Variants in PIK3R6 observed in about 807,000 individuals in gnomAD.
PIK3R6 encodes the protein phosphoinositide-3-kinase regulatory subunit 6.
In PIK3R6, 91 loss-of-function variants were observed where a neutral mutation model predicts 84.9. The observed-to-expected ratio is 1.07, with a 90% confidence interval of 0.90 to 1.28. PIK3R6 has a LOEUF of 1.28. PIK3R6 is among the 50% of genes most tolerant of loss of function. The pLI, the probability that PIK3R6 is intolerant of heterozygous loss-of-function variation, is 0.00. For missense variants in PIK3R6, 996 were observed against 985.1 expected, an observed-to-expected ratio of 1.01 and a Z score of -0.15; for synonymous variants, 416 against 411.4, an observed-to-expected ratio of 1.01 and a Z score of -0.13.
Position 8,831,355 on chromosome 17 carries a change from G to T in PIK3R6, c.802+1534C>A, listed in dbSNP as rs1393625228. Among the ~76,000 whole-genome samples, 15 of 86,926 alleles carry T rather than the reference G, an allele frequency of 1.7e-4. No homozygotes were observed. In the East Asian group the frequency reaches 5.9e-3, roughly 34 times the overall value. The allele number at this position is 86,926 out of a possible 152,430, so 57.0% of individuals were successfully genotyped here. A position where few individuals can be genotyped will look rare whatever the true frequency, so the allele number is the denominator to read the frequency against. On this transcript the variant is annotated intron_variant, in intron 9 of 19. Coordinates refer to ENST00000619866, the MANE Select transcript of PIK3R6 (RefSeq NM_001010855.4). ...AAAAAAAAAAAAAAAAAAAAAAAAA[G>T]GCACAGGGCAAGTCTGGGCAGGAGA...
intron 1 of PIK3R6, among the ~76,000 whole-genome samples, chr17:8,860,723 T>A (rs1033861540): frequency 1.3e-5 from 2 of 152,154 alleles, no homozygotes; most frequent in African/African-American, 4.8e-5. Context: ...CACAATCTCG[T>A]GTGGCAACAA....
rs377216141 is a variant in PIK3R6, at chr17:8,836,575, T to A, written c.433A>T (p.Thr145Ser). 2.1e-5 allele frequency: 34 copies of A among 1,613,864 alleles called. No homozygotes were observed. In the African/African-American group the frequency reaches 4.4e-4, roughly 21 times the overall value. ...QRMVIAEQNL[T>S]NELYPYQERV... is the part of the protein sequence containing the mutation. ...TCCTGGTAGGGATACAGCTCATTCG[T>A]CAAGTTCTGTTCGGCAATGACCATC... is the stretch of plus-strand genomic sequence containing the variant. Residue 145 changes from threonine (T) to serine (S), a missense_variant, in exon 7 of 20, where the codon ACG becomes TCG. Physicochemically the swap from Thr to Ser is moderately conservative, Grantham distance 58 (BLOSUM62 1). Coordinates refer to ENST00000619866, the MANE Select transcript of PIK3R6 (RefSeq NM_001010855.4).
In PIK3R6 at chr17:8,827,419, A is replaced by T. The variant is rs2087958130; in HGVS notation, c.1393-125T>A. The T allele has an allele frequency of 6.2e-6, 7 of 1,133,190 alleles. 2 individuals are homozygous for T. The highest frequency in any genetic ancestry group is 1.7e-5 in the South Asian group (1 of 59,298). 70.2% of individuals were successfully genotyped at this position (1,133,190 alleles called of 1,614,324 possible). A position where few individuals can be genotyped will look rare whatever the true frequency, so the allele number is the denominator to read the frequency against. ...AACCTCTTGGGGCATGAATTTCTGC[A>T]TGTGAAGACACGTCGTTGTTCTGTT... On this transcript the variant is annotated intron_variant, in intron 12 of 19. Transcript: ENST00000619866.
chr17:8,803,621 G>C lies in PIK3R6; in HGVS notation c.2109-192C>G. 3 of 590,660 alleles carry C rather than the reference G, an allele frequency of 5.1e-6. No homozygotes were observed. Among genetic ancestry groups the C allele is most frequent in the Non-Finnish European group, 8.7e-6 (3 of 343,350 alleles). The allele number at this position is 590,660 out of a possible 1,614,324, so 36.6% of individuals were successfully genotyped here. On this transcript the variant is annotated intron_variant, in intron 19 of 19. Coordinates refer to ENST00000619866, the MANE Select transcript of PIK3R6 (RefSeq NM_001010855.4). The surrounding 1 kb of genome is among the most constrained non-coding windows in gnomAD (Gnocchi z 5.0). ...CTGGGCCTGGGGTTCACCGGGAGAG[G>C]AGACACTTGGAGCAAGTAACTCTGC... is the stretch of plus-strand genomic sequence containing the variant.
At chr17:8,866,861 G>T (rs2089425104) in intron 1 of PIK3R6, among the ~76,000 whole-genome samples, 1 of 152,140 alleles carries the variant, frequency 6.6e-6, no homozygotes, top group Non-Finnish European at 1.5e-5. Context: ...GACCCTCTTT[G>T]CAAGCAGTCA....
intron 18 of PIK3R6, among the ~76,000 whole-genome samples, chr17:8,805,592 A>C (rs2087179829): frequency 6.6e-6 from 1 of 152,158 alleles, no homozygotes; most frequent in African/African-American, 2.4e-5. Context: ...CTCAGGGGAG[A>C]GGGGGCTTCT....
At chr17:8,829,674 CACT>C in intron 10 of PIK3R6, 29 bp downstream of exon 10, 1 of 1,537,824 alleles carries the variant, frequency 6.5e-7, no homozygotes, top group Non-Finnish European at 8.8e-7. Flanking sequence ...AGACATATAC[CACT>C]GTTTCCAGAC....
intron 1 of PIK3R6, among the ~76,000 whole-genome samples, chr17:8,865,226 A>T (rs2089378597): frequency 6.6e-6 from 1 of 152,140 alleles, no homozygotes; most frequent in Non-Finnish European, 1.5e-5. Context: ...GAACATGAAG[A>T]TTCCAGATCT....
chr17:8,861,601 C>T (rs2089287994), intron 1 of PIK3R6, among the ~76,000 whole-genome samples: 1 of 152,216 alleles, frequency 6.6e-6, no homozygotes, highest in African/African-American at 2.4e-5. Context: ...AGTGGGTGTA[C>T]ACAGTGTGTG....
At position 8,836,776 on chromosome 17, in the gene PIK3R6, C is replaced by T; in HGVS notation, c.391+15G>A. Reference sequence around the variant, plus strand: ...AGGTGCAGCGTGGGAGACAAAGATGCCCAGTGACTCTTACCTGGGACAGCC... The same window carrying T: ...AGGTGCAGCGTGGGAGACAAAGATGTCCAGTGACTCTTACCTGGGACAGCC... On this transcript the variant is annotated intron_variant, in intron 6 of 19. Transcript: ENST00000619866. 2.5e-6 allele frequency: 4 copies of T among 1,610,802 alleles called. No homozygotes were observed. The South Asian group carries it at 4.4e-5, about 18-fold the overall frequency.
At chr17:8,815,165 T>C (rs2087490522) in intron 18 of PIK3R6, among the ~76,000 whole-genome samples, 2 of 152,210 alleles carry the variant, frequency 1.3e-5, no homozygotes, top group Non-Finnish European at 2.9e-5. Context: ...ATAATTAAAC[T>C]TCATACTTTA....
intron 1 of PIK3R6, among the ~76,000 whole-genome samples, chr17:8,866,411 G>A (rs1241005756): frequency 3.3e-5 from 5 of 152,082 alleles, no homozygotes; most frequent in African/African-American, 1.2e-4. Context: ...GCGTGGTGGT[G>A]TGTGCCTGTA....
chr17:8,855,134 A>T (rs773916634), intron 1 of PIK3R6, among the ~76,000 whole-genome samples: 4 of 152,146 alleles, frequency 2.6e-5, no homozygotes, highest in Admixed American at 6.6e-5. Context: ...CAGAGGTTGT[A>T]GTGAGCTGAG....
chr17:8,840,369 A>G, intron 2 of PIK3R6, among the ~76,000 whole-genome samples: 1 of 139,838 alleles, frequency 7.2e-6, no homozygotes, highest in Middle Eastern at 7.0e-3. Context: ...TATGTATATG[A>G]AATATATATA....
intron 13 of PIK3R6, 91 bp from the exon 14 acceptor site, chr17:8,823,588 C>T: frequency 2.3e-6 from 2 of 873,172 alleles, no homozygotes; most frequent in Non-Finnish European, 3.7e-6. Context: ...CAAGCCCCTA[C>T]ATCTCTGGGA....
intron 13 of PIK3R6, among the ~76,000 whole-genome samples, chr17:8,824,588 AT>A (rs1156789592): frequency 2.0e-5 from 3 of 152,194 alleles, no homozygotes; most frequent in African/African-American, 7.2e-5. Flanking sequence ...TGGTATCTTC[AT>A]GTGGAAACCG....
intron 3 of PIK3R6, 76 bp from the exon 4 acceptor site, chr17:8,838,731 GAGCCCTGGAGCCTCAGCTGC>G: frequency 7.3e-7 from 1 of 1,364,988 alleles, no homozygotes; most frequent in East Asian, 2.5e-5. Flanking sequence ...GCAGGACCCT[GAGCCCTGGAGCCTCAGCTGC>G]AGCTCTGACC....
At chr17:8,812,047 T>C (rs1257620745) in intron 18 of PIK3R6, among the ~76,000 whole-genome samples, 1 of 152,190 alleles carries the variant, frequency 6.6e-6, no homozygotes, top group African/African-American at 2.4e-5. Context: ...CTCACAATCA[T>C]GGCAGAAGGC....
chr17:8,855,929 C>T (rs989007746), intron 1 of PIK3R6, among the ~76,000 whole-genome samples: 1 of 152,160 alleles, frequency 6.6e-6, no homozygotes, highest in Non-Finnish European at 1.5e-5. Flanking sequence ...GGAAACAACA[C>T]AAATGCCTTC....
Sources: gnomAD v4.1 joint callset for allele counts (sites outside exome capture counted in the v4.1 genomes callset) on GRCh38, gnomAD v4.1.1 for gene constraint, Gnocchi (gnomAD v3.1) non-coding constraint, MANE v1.5 for transcripts, NCBI Gene and HGNC (gene_info 2026-07-23, HGNC 2026-07-21) for gene names.